Variants in DST observed in about 807,000 individuals in gnomAD.
DST encodes the protein dystonin.
A neutral mutation model predicts 875.2 loss-of-function variants in DST; 253 were observed. That is an observed-to-expected ratio of 0.29 (90% CI 0.26 to 0.32). DST has a LOEUF of 0.32. DST is among the 10% of genes least tolerant of loss of function. The pLI is 1.00. For synonymous variants in DST, 3,124 were observed against 3,197.1 expected, an observed-to-expected ratio of 0.98 and a Z score of 0.77; for missense variants, 8,287 against 9,111.6, an observed-to-expected ratio of 0.91 and a Z score of 3.68.
At chr6:56,819,740 T>C (rs1331866724) in intron 4 of DST, among the ~76,000 whole-genome samples, 1 of 136,042 alleles carries the variant, frequency 7.4e-6, no homozygotes, top group Non-Finnish European at 1.7e-5. Context: ...TCTGCAAGGG[T>C]TGGGTTAATG....
intron 4 of DST, among the ~76,000 whole-genome samples, chr6:56,807,828 C>G (rs1275392451): frequency 6.6e-6 from 1 of 152,150 alleles, no homozygotes; most frequent in Non-Finnish European, 1.5e-5. Flanking sequence ...GCAACAACTT[C>G]TTAGACATGT....
At position 56,726,888 on chromosome 6, in the gene DST, G is replaced by A. The variant is rs117772310; in HGVS notation, c.687+8340C>T. 2.2e-3 allele frequency among the ~76,000 whole-genome samples: 338 copies of A among 152,280 alleles called. 13 individuals are homozygous for A. In the East Asian group the frequency reaches 0.06, roughly 27 times the overall value. On this transcript the variant is annotated intron_variant, in intron 5 of 103. Transcript: ENST00000680361. ...TGTATCAGACAATATGCTAGAGGCC[G>A]CAGATGCATTGTTTCTTATAACAGA...
intron 4 of DST, among the ~76,000 whole-genome samples, chr6:56,754,502 T>A (rs1207649480): frequency 1.3e-5 from 2 of 152,188 alleles, no homozygotes; most frequent in Admixed American, 1.3e-4. Context: ...ATACAGACCA[T>A]TCTCATTATC....
chr6:56,597,803 A>C lies in DST; in HGVS notation c.12132T>G (p.Thr4044=), dbSNP rs563848118. 12 of 1,613,962 alleles carry C rather than the reference A, an allele frequency of 7.4e-6. 1 individual carries two copies. The East Asian group carries it at 1.8e-4, about 24-fold the overall frequency. The change falls in exon 47 of 104, where the codon ACT becomes ACG. Residue 4044 remains threonine (T), a synonymous_variant. Coordinates refer to ENST00000680361, the MANE Select transcript of DST (RefSeq NM_001374736.1). Reference sequence around the variant, plus strand: ...TGGTTCCAACTTGCCCATCAACATCAGTCTCCAACAGGTTACCATTAACTT... The same window carrying C: ...TGGTTCCAACTTGCCCATCAACATCCGTCTCCAACAGGTTACCATTAACTT... The part of the protein sequence containing the change: ...EDEVNGNLLE[T]DVDGQVGTTQ...
In DST at chr6:56,832,616, C is replaced by CA. The variant is rs34510405; in HGVS notation, c.625+18780dup. ...ATGCAGAGATAGTCAAATAACACTG[C>CA]AAAAAAAAAAAAATGCCTCTATAGC... On this transcript the variant is annotated intron_variant, in intron 4 of 103. Coordinates refer to ENST00000680361, the MANE Select transcript of DST (RefSeq NM_001374736.1). Among the ~76,000 whole-genome samples the CA allele has an allele frequency of 9.4e-3, 1,242 of 132,222 alleles. 7 individuals carry two copies. The highest frequency in any genetic ancestry group is 0.012 in the East Asian group (50 of 4,126). The allele number at this position is 132,222 out of a possible 152,430, so 86.7% of individuals were successfully genotyped here. A position where few individuals can be genotyped will look rare whatever the true frequency, so the allele number is the denominator to read the frequency against.
At chr6:56,693,827 A>T (rs1420052185) in intron 9 of DST, among the ~76,000 whole-genome samples, 1 of 152,120 alleles carries the variant, frequency 6.6e-6, no homozygotes, top group East Asian at 1.9e-4. Flanking sequence ...AATAGCTAGC[A>T]GGAGAGATAA....
intron 86 of DST, 83 bp downstream of exon 86, chr6:56,489,407 A>G: frequency 7.2e-7 from 1 of 1,393,296 alleles, no homozygotes. Context: ...TTAGTGATGA[A>G]TAAACACGTG....
At chr6:56,500,074 G>C (rs1425487884) in intron 80 of DST, among the ~76,000 whole-genome samples, 1 of 151,994 alleles carries the variant, frequency 6.6e-6, no homozygotes, top group Admixed American at 6.6e-5. Flanking sequence ...CAATTACTGT[G>C]GGGAACTATG....
chr6:56,590,695 G>A (rs1431761775), intron 49 of DST, among the ~76,000 whole-genome samples: 1 of 152,172 alleles, frequency 6.6e-6, no homozygotes, highest in Non-Finnish European at 1.5e-5. Context: ...TGGGGATGCT[G>A]ACCTGGCCCA....
At chr6:56,609,656 CAGAACACATATCT>C in intron 39 of DST, among the ~76,000 whole-genome samples, 1 of 152,168 alleles carries the variant, frequency 6.6e-6, no homozygotes, top group Middle Eastern at 3.4e-3. Context: ...AGTGAGAAAA[CAGAACACATATCT>C]AGAAGGCAAA....
In DST at chr6:56,790,000, C is replaced by T. The variant is rs558976463; in HGVS notation, c.626-54711G>A. ...CAGACTCCAGTCTCTACCAGGGATG[C>T]TCTCTTCTTTTATTTCAGATGAGTA... On this transcript the variant is annotated intron_variant, in intron 4 of 103. Transcript: ENST00000680361. 6.6e-5 allele frequency among the ~76,000 whole-genome samples: 10 copies of T among 152,244 alleles called. No individual in the cohort carries two copies. The South Asian group carries it at 1.9e-3, about 28-fold the overall frequency.
chr6:56,460,419 T>C, intron 102 of DST, 165 bp from the exon 103 acceptor site: 1 of 539,676 alleles, frequency 1.9e-6, no homozygotes, highest in Non-Finnish European at 3.1e-6. Flanking sequence ...TCTCACTTGA[T>C]TTTCTCTTCT....
chr6:56,760,935 T>G (rs1032406183), intron 4 of DST, among the ~76,000 whole-genome samples: 2 of 152,256 alleles, frequency 1.3e-5, no homozygotes, highest in African/African-American at 4.8e-5. Context: ...ACATGGAAAC[T>G]TCTCCCTTCA....
chr6:56,667,353 ACT>A (rs2099077169), intron 10 of DST, among the ~76,000 whole-genome samples: 1 of 152,152 alleles, frequency 6.6e-6, no homozygotes, highest in African/African-American at 2.4e-5. Context: ...ACACAATTCA[ACT>A]CTCTTCATTT....
chr6:56,625,185 T>C lies in DST; in HGVS notation c.4802A>G (p.Gln1601Arg), dbSNP rs943618057. 37 of 1,613,106 alleles carry C rather than the reference T, an allele frequency of 2.3e-5. No individual in the cohort carries two copies. The highest frequency in any genetic ancestry group is 2.9e-5 in the Non-Finnish European group (34 of 1,179,268). Reference protein sequence around the residue: ...QKSPVKRRRMQSSADLIIQEF... With the variant: ...QKSPVKRRRMRSSADLIIQEF... The stretch of plus-strand genomic sequence containing the variant: ...TTGAATAATGAGATCTGCTGAACTC[T>C]GCATTCTTCGGCGTTTCACTGGAGA... Residue 1601 changes from glutamine to arginine, a missense_variant, in exon 35 of 104, where the codon CAG becomes CGG. By Grantham distance (43) the Gln-to-Arg change is conservative. Around this residue, in one of 10 missense-constraint regions of DST, gnomAD observed 3,138 missense variants for 3,116.6 expected, o/e 1.01. Coordinates refer to ENST00000680361, the MANE Select transcript of DST (RefSeq NM_001374736.1).
chr6:56,603,535 T>C, intron 41 of DST, 29 bp downstream of exon 41: 1 of 1,596,092 alleles, frequency 6.3e-7, no homozygotes, highest in East Asian at 2.2e-5. Context: ...CTGACTACCA[T>C]CCATAAAGAG....
In DST at chr6:56,605,316, ATT is replaced by A. The variant is rs1338593729; in HGVS notation, c.9310_9311del (p.Asn3104SerfsTer6). Reference protein sequence around the residue: ...FPQITNNEELNQKGSLKKATV... With the variant: ...FPQITNNEELXQKGSLKKATV... ...TTGCTTTTTTAAGGCTTCCTTTCTG[ATT>A]AAGTTCTTCATTGTTTGTGATTTGT... On this transcript the variant is annotated frameshift_variant, in exon 40 of 104. Coordinates refer to ENST00000680361, the MANE Select transcript of DST (RefSeq NM_001374736.1). LOFTEE classifies it high-confidence loss of function. The A allele has an allele frequency of 6.2e-7, 1 of 1,612,014 alleles. No homozygotes were observed. Among genetic ancestry groups the A allele is most frequent in the East Asian group, 2.2e-5 (1 of 44,808 alleles).
intron 3 of DST, among the ~76,000 whole-genome samples, chr6:56,889,485 G>A (rs1786273534): frequency 1.3e-5 from 2 of 152,184 alleles, no homozygotes; most frequent in Admixed American, 1.3e-4. Context: ...GGTGCTCAGA[G>A]GCTAAGATTT....
At chr6:56,537,380 C>T (rs1459944896) in intron 61 of DST, among the ~76,000 whole-genome samples, 2 of 152,220 alleles carry the variant, frequency 1.3e-5, no homozygotes, top group Non-Finnish European at 2.9e-5. Context: ...CTAAGAATGG[C>T]TGCTGCTAGC....
Sources: allele counts gnomAD v4.1 joint callset (sites outside exome capture counted in the v4.1 genomes callset), GRCh38; gene constraint gnomAD v4.1.1; regional missense constraint gnomAD v4.1.1; transcripts MANE v1.5; gene names NCBI Gene and HGNC (gene_info 2026-07-23, HGNC 2026-07-21).